CHD1L: variants seen among roughly 807,000 people sequenced by gnomAD.
CHD1L encodes the protein ATP-dependent chromatin remodeler CHD1L.
CHD1L carries 118 observed loss-of-function variants against 115.9 expected under a neutral mutation model. The observed-to-expected ratio is 1.02, with a 90% CI of 0.88 to 1.19. CHD1L has a LOEUF of 1.19. Ranked by LOEUF, CHD1L falls within the 50% of genes most tolerant of loss-of-function variation. The pLI is 0.00. For synonymous variants in CHD1L, 411 were observed against 387.1 expected, an observed-to-expected ratio of 1.06 and a Z score of -0.72; for missense variants, 1,179 against 1,065.3, an observed-to-expected ratio of 1.11 and a Z score of -1.49.
At chr1:147,264,309 C>CA (rs782078328) in intron 6 of CHD1L, 113 bp from the exon 7 acceptor site, 1 of 957,740 alleles carries the variant, frequency 1.0e-6, no homozygotes, top group South Asian at 1.7e-5. Context: ...CATGTCCCCT[C>CA]AGTCATTTCA....
intron 3 of CHD1L, among the ~76,000 whole-genome samples, chr1:147,255,377 G>A (rs1275121597): frequency 1.3e-5 from 2 of 152,052 alleles, no homozygotes; most frequent in East Asian, 3.9e-4. Context: ...ACAGGCGTGC[G>A]TCACCACACC....
Position 147,293,631 on chromosome 1 carries a change from T to C in CHD1L, c.2415T>C (p.His805=), listed in dbSNP as rs782649392. 3 of 1,614,104 alleles carry C rather than the reference T, an allele frequency of 1.9e-6. No individual in the cohort carries two copies. In the South Asian group the frequency reaches 3.3e-5, roughly 18 times the overall value. Residue 805 remains histidine, a synonymous_variant, in exon 21 of 23, where the codon CAT becomes CAC. Transcript: ENST00000369258. ...QDLLALIVAQ[H]RDRSNVLSGI... is the part of the protein sequence containing the mutation. ...AGTTGGCCTTGATTGTGGCTCAGCA[T>C]CGTGATCGTTCCAATGTCCTGTCTG...
intron 5 of CHD1L, among the ~76,000 whole-genome samples, chr1:147,257,862 C>G (rs1489531969): frequency 6.6e-6 from 1 of 152,132 alleles, no homozygotes; most frequent in Non-Finnish European, 1.5e-5. Context: ...CTCAAAATAG[C>G]TAGTTGTACT....
the CHD1L span, among the ~76,000 whole-genome samples, chr1:147,211,725 G>A: frequency 6.6e-6 from 1 of 152,160 alleles, no homozygotes; most frequent in East Asian, 1.9e-4. Flanking sequence ...TTGCTTCTCA[G>A]TTCAAAGTCT....
the CHD1L span, among the ~76,000 whole-genome samples, chr1:147,200,945 G>A: frequency 6.6e-6 from 1 of 152,250 alleles, no homozygotes; most frequent in Admixed American, 6.5e-5. Context: ...AGCATGCATA[G>A]CTTGGAAAAA....
intron 7 of CHD1L, 76 bp downstream of exon 7, chr1:147,264,660 A>G (rs1420123618): frequency 2.7e-6 from 4 of 1,477,628 alleles, no homozygotes; most frequent in East Asian, 2.3e-5. Flanking sequence ...GGTTATAGGT[A>G]GAAAAGAAGG....
At chr1:147,288,322 C>CAAAA (rs1294935544) in intron 19 of CHD1L, among the ~76,000 whole-genome samples, 1 of 87,914 alleles carries the variant, frequency 1.1e-5, no homozygotes. Context: ...GACCCTGTTT[C>CAAAA]AATAAAAAAA....
At chr1:147,242,651 G>T (rs782134362), upstream of CHD1L, 225 of 1,257,838 alleles carry the variant, frequency 1.8e-4, no homozygotes, top group Non-Finnish European at 2.1e-4. Flanking sequence ...GCGTTGGGAA[G>T]TTGGGAGGGA....
chr1:147,185,535 C>T, the CHD1L span, among the ~76,000 whole-genome samples: 41 of 152,184 alleles, frequency 2.7e-4, no homozygotes, highest in African/African-American at 9.9e-4. Flanking sequence ...CAGGTAAATT[C>T]GGTGAAAGGG....
intron 1 of CHD1L, among the ~76,000 whole-genome samples, chr1:147,252,083 A>T (rs59689147): frequency 0.017 from 2,620 of 152,274 alleles, 78 homozygotes; most frequent in African/African-American, 0.06. Context: ...TATTAATTTC[A>T]CACGTTTTCT....
At chr1:147,243,275 A>T (rs1233093055) in intron 1 of CHD1L, among the ~76,000 whole-genome samples, 1 of 151,932 alleles carries the variant, frequency 6.6e-6, no homozygotes, top group African/African-American at 2.4e-5. Flanking sequence ...TTCTCCGTTT[A>T]CTGTGCGCGC....
At chr1:147,190,323 G>T in the CHD1L span, 1 of 934,980 alleles carries the variant, frequency 1.1e-6, no homozygotes, top group Non-Finnish European at 1.7e-6. Flanking sequence ...CAATTACTAT[G>T]CTATGGAGAA....
chr1:147,195,363 C>A, the CHD1L span, among the ~76,000 whole-genome samples: 2 of 152,054 alleles, frequency 1.3e-5, no homozygotes, highest in Non-Finnish European at 2.9e-5. Context: ...GAACTCCTGA[C>A]CTCAGATGAT....
intron 6 of CHD1L, among the ~76,000 whole-genome samples, chr1:147,262,037 A>G (rs969993411): frequency 2.0e-5 from 3 of 151,928 alleles, no homozygotes; most frequent in African/African-American, 7.3e-5. Flanking sequence ...CTACTAAAAA[A>G]TTCAAAAAAT....
chr1:147,204,103 A>T, the CHD1L span: 1 of 1,055,090 alleles, frequency 9.5e-7, no homozygotes, highest in Non-Finnish European at 1.5e-6. Flanking sequence ...TGACTTATGC[A>T]TCCATGAGAT....
At chr1:147,245,742 A>T (rs1666404442) in intron 1 of CHD1L, among the ~76,000 whole-genome samples, 1 of 149,122 alleles carries the variant, frequency 6.7e-6, no homozygotes, top group Non-Finnish European at 1.5e-5. Flanking sequence ...CCCAGGCTGG[A>T]GTGCAGTGGC....
At chr1:147,213,511 T>G in the CHD1L span, 1 of 1,533,052 alleles carries the variant, frequency 6.5e-7, no homozygotes, top group South Asian at 1.3e-5. Context: ...ATCCCTGACA[T>G]GACTCTCCTT....
the CHD1L span, chr1:147,175,416 G>A: frequency 1.3e-5 from 2 of 152,194 alleles, no homozygotes; most frequent in African/African-American, 4.8e-5. Flanking sequence ...ATACCCACGT[G>A]TTGAAGGAAG....
rs149805123 is a variant in CHD1L, at chr1:147,271,069, A to C, written c.1159+64A>C. ...TAGACTTAACAGTCCAGATAGGTCC[A>C]TGAAGAATAATATGGGATATGAGAA... is the stretch of plus-strand genomic sequence containing the variant. On this transcript the variant is annotated intron_variant, in intron 11 of 22. Transcript: ENST00000369258. 7,911 of 1,278,440 alleles carry C rather than the reference A, an allele frequency of 6.2e-3. 28 individuals are homozygous for C. Among genetic ancestry groups the C allele is most frequent in the Non-Finnish European group, 7.3e-3 (6,449 of 879,668 alleles). 79.2% of individuals were successfully genotyped at this position (1,278,440 alleles called of 1,614,324 possible). A position where few individuals can be genotyped will look rare whatever the true frequency, so the allele number is the denominator to read the frequency against.
Sources: gnomAD v4.1 joint callset for allele counts (sites outside exome capture counted in the v4.1 genomes callset) on GRCh38, gnomAD v4.1.1 for gene constraint, MANE v1.5 for transcripts, NCBI Gene and HGNC (gene_info 2026-07-23, HGNC 2026-07-21) for gene names.